SUCLA2: variants seen among roughly 807,000 people sequenced by gnomAD.
The protein encoded by SUCLA2 is succinate--CoA ligase [ADP-forming] subunit beta, mitochondrial.
SUCLA2 carries 30 observed loss-of-function variants against 54.8 expected under a neutral mutation model. The ratio of observed to expected loss-of-function variants is 0.55; its 90% CI spans 0.41 to 0.74. The LOEUF is 0.74. SUCLA2 is among the 30% of genes least tolerant of loss of function. The probability of loss-of-function intolerance (pLI) is 0.00; values close to 1 mark genes in which losing one functional copy is unlikely to be tolerated. For missense variants in SUCLA2, 476 were observed against 562.9 expected (o/e 0.85, Z 1.56); for synonymous variants, 172 against 188.9 (o/e 0.91, Z 0.74).
At chr13:47,991,967 C>G (rs150510285) in intron 2 of SUCLA2, among the ~76,000 whole-genome samples, 156 of 148,696 alleles carry the variant, frequency 1.0e-3, no homozygotes, top group African/African-American at 3.8e-3. Flanking sequence ...TACAGGTTGT[C>G]TCTGAACCAT....
intron 4 of SUCLA2, among the ~76,000 whole-genome samples, chr13:47,974,687 A>G (rs1949994694): frequency 1.3e-5 from 2 of 152,260 alleles, no homozygotes; most frequent in Non-Finnish European, 2.9e-5. Flanking sequence ...AGGTATCAAT[A>G]CTAACAATTA....
intron 6 of SUCLA2, among the ~76,000 whole-genome samples, chr13:47,967,620 T>C (rs1368905322): frequency 6.6e-6 from 1 of 152,032 alleles, no homozygotes. Context: ...GCAGGCAGAT[T>C]ACCTAAGGTC....
intron 5 of SUCLA2, 111 bp downstream of exon 5, chr13:47,973,153 G>T: frequency 2.2e-6 from 2 of 926,200 alleles, no homozygotes; most frequent in Non-Finnish European, 3.4e-6. Context: ...TAACTTTCCT[G>T]ACACTCAAAA....
intron 4 of SUCLA2, among the ~76,000 whole-genome samples, chr13:47,976,129 T>C (rs558558763): frequency 2.6e-5 from 4 of 152,146 alleles, no homozygotes; most frequent in African/African-American, 7.2e-5. Context: ...GCCTACACCA[T>C]AGAACCCCAA....
intron 4 of SUCLA2, among the ~76,000 whole-genome samples, chr13:47,978,014 A>G (rs1282935769): frequency 6.6e-6 from 1 of 152,188 alleles, no homozygotes; most frequent in African/African-American, 2.4e-5. Flanking sequence ...GAAAATAAGA[A>G]AGAACACAAA....
At chr13:47,974,271 TAGCC>T (rs1949991259) in intron 4 of SUCLA2, among the ~76,000 whole-genome samples, 3 of 152,220 alleles carry the variant, frequency 2.0e-5, no homozygotes, top group Non-Finnish European at 2.9e-5. Flanking sequence ...GTCTAAGCTC[TAGCC>T]CTACTGCAAG....
At chr13:47,980,575 T>C (rs1950052873) in intron 4 of SUCLA2, among the ~76,000 whole-genome samples, 1 of 151,978 alleles carries the variant, frequency 6.6e-6, no homozygotes, top group Non-Finnish European at 1.5e-5. Context: ...ATGGCTTTTT[T>C]TTATAAAAAT....
At chr13:47,993,171 G>A (rs531087177) in intron 2 of SUCLA2, among the ~76,000 whole-genome samples, 6 of 152,314 alleles carry the variant, frequency 3.9e-5, no homozygotes, top group Admixed American at 3.9e-4. Context: ...GGTCGAAGCT[G>A]CAATGAGCCA....
At chr13:47,945,249 TAAAA>T (rs35349385) in intron 10 of SUCLA2, among the ~76,000 whole-genome samples, 1 of 85,220 alleles carries the variant, frequency 1.2e-5, no homozygotes, top group Non-Finnish European at 2.2e-5. Flanking sequence ...AACTCTGTCT[TAAAA>T]AAAAAAAAAA....
At chr13:47,990,968 T>TA (rs1950145283) in intron 2 of SUCLA2, among the ~76,000 whole-genome samples, 1 of 152,240 alleles carries the variant, frequency 6.6e-6, no homozygotes, top group South Asian at 2.1e-4. Flanking sequence ...AGAGAGTGTT[T>TA]AAAAAACTTG....
chr13:47,994,198 T>G (rs1950173415), intron 2 of SUCLA2, among the ~76,000 whole-genome samples: 1 of 151,830 alleles, frequency 6.6e-6, no homozygotes, highest in Non-Finnish European at 1.5e-5. Context: ...ACCAAGTGTA[T>G]TTCTAAGGTC....
At chr13:47,988,454 T>C in intron 4 of SUCLA2, 87 bp downstream of exon 4, 2 of 1,462,044 alleles carry the variant, frequency 1.4e-6, no homozygotes, top group Non-Finnish European at 9.5e-7. Context: ...TTTTAAAATC[T>C]TTCCCACATA....
At chr13:48,000,954 C>A (rs1392327577) in intron 1 of SUCLA2, 2 of 1,404,830 alleles carry the variant, frequency 1.4e-6, no homozygotes, top group Middle Eastern at 5.0e-4. Flanking sequence ...CACGGCCGGG[C>A]CGCCGGGGAT....
intron 4 of SUCLA2, among the ~76,000 whole-genome samples, chr13:47,976,818 AGT>A (rs1438069946): frequency 5.9e-5 from 9 of 152,300 alleles, no homozygotes; most frequent in Admixed American, 3.3e-4. Flanking sequence ...ATTTCCTTTA[AGT>A]GTCATGTCAG....
At chr13:47,948,376 C>T (rs1030136747) in intron 10 of SUCLA2, among the ~76,000 whole-genome samples, 4 of 151,830 alleles carry the variant, frequency 2.6e-5, no homozygotes, top group African/African-American at 7.3e-5. Flanking sequence ...TGTGTGTGTG[C>T]GTGCATGTGT....
At chr13:47,988,478 A>G in intron 4 of SUCLA2, 63 bp downstream of exon 4, 1 of 1,564,100 alleles carries the variant, frequency 6.4e-7, no homozygotes, top group Non-Finnish European at 8.8e-7. Flanking sequence ...AGAAACAATA[A>G]TGGACTTTTG....
chr13:47,977,173 T>C (rs559168750), intron 4 of SUCLA2, among the ~76,000 whole-genome samples: 1 of 152,156 alleles, frequency 6.6e-6, no homozygotes, highest in Admixed American at 6.5e-5. Flanking sequence ...AAATTATGTA[T>C]CAACAAATTG....
chr13:47,943,766 G>GTGTATATATATA lies in SUCLA2; in HGVS notation c.1318-322_1318-321insTATATATATACA, dbSNP rs1300486540. On this transcript the variant is annotated intron_variant, in intron 10 of 10. Transcript: ENST00000646932. Reference sequence around the variant, plus strand: ...TGTATGTGTGTGTGTGTGTGTGTGTGTATATATATATATATTATTCTAAAT... The same window carrying GTGTATATATATA: ...TGTATGTGTGTGTGTGTGTGTGTGTGTGTATATATATATATATATATATATATTATTCTAAAT... 6.9e-3 allele frequency among the ~76,000 whole-genome samples: 960 copies of GTGTATATATATA among 139,616 alleles called. 14 individuals carry two copies. The highest frequency in any genetic ancestry group is 0.021 in the African/African-American group (777 of 37,244). The allele number at this position is 139,616 out of a possible 152,430, so 91.6% of individuals were successfully genotyped here. A position where few individuals can be genotyped will look rare whatever the true frequency, so the allele number is the denominator to read the frequency against.
chr13:47,974,276 C>T (rs921676060), intron 4 of SUCLA2, among the ~76,000 whole-genome samples: 3 of 152,136 alleles, frequency 2.0e-5, no homozygotes, highest in Non-Finnish European at 2.9e-5. Flanking sequence ...AGCTCTAGCC[C>T]TACTGCAAGA....
Sources: gnomAD v4.1 joint callset for allele counts (sites outside exome capture counted in the v4.1 genomes callset) on GRCh38, gnomAD v4.1.1 for gene constraint, MANE v1.5 for transcripts, NCBI Gene and HGNC (gene_info 2026-07-23, HGNC 2026-07-21) for gene names.